The following ZNF184 variants were observed in gnomAD, a reference collection of about 807,000 sequenced individuals.
ZNF184 encodes zinc finger protein 184 (Kruppel-like).
A neutral mutation model predicts 54.4 loss-of-function variants in ZNF184; 16 were observed. The ratio of observed to expected loss-of-function variants is 0.29; its 90% confidence interval spans 0.20 to 0.45. The LOEUF is 0.45. Ranked by LOEUF, ZNF184 falls within the 20% of genes least tolerant of loss-of-function variation. The pLI is 1.00. For missense variants in ZNF184, 681 were observed against 888.2 expected (o/e 0.77, Z 2.97); for synonymous variants, 254 against 295.3 (o/e 0.86, Z 1.43).
At chr6:27,457,432 G>C (rs1762886076) in intron 3 of ZNF184, 23 bp from the exon 4 acceptor site, 2 of 1,612,694 alleles carry the variant, frequency 1.2e-6, no homozygotes, top group East Asian at 4.5e-5. Context: ...ACATATTTCT[G>C]CTTAGCCATA....
At chr6:27,457,251 C>A (rs1328102359) in intron 4 of ZNF184, 32 bp downstream of exon 4, 6 of 1,610,730 alleles carry the variant, frequency 3.7e-6, no homozygotes, top group Non-Finnish European at 5.1e-6. Context: ...CCTGCACACC[C>A]CTTGATATTA....
Position 27,453,182 on chromosome 6 carries a change from A to G in ZNF184, c.377T>C (p.Ile126Thr). 1.2e-6 allele frequency: 2 copies of G among 1,613,996 alleles called. No homozygotes were observed. The highest frequency in any genetic ancestry group is 1.7e-6 in the Non-Finnish European group (2 of 1,179,966). Residue 126 changes from isoleucine (I) to threonine (T), a missense_variant, in exon 6 of 6, where the codon ATA becomes ACA. Physicochemically the swap from Ile to Thr is moderately conservative, Grantham distance 89. Transcript: ENST00000683788. This position sits in a 1 kb window ranked among gnomAD's most constrained non-coding sequence, Gnocchi z 4.7. ...ATCATCTCTTTTGTGTTTTTCCACTATTACCTCTGGAGATAGCTCTTCTTC... is the reference window on the plus strand; with the variant it reads ...ATCATCTCTTTTGTGTTTTTCCACTGTTACCTCTGGAGATAGCTCTTCTTC... ...ISEEELSPEV[I>T]VEKHKRDDSW...
intron 2 of ZNF184, among the ~76,000 whole-genome samples, chr6:27,469,509 C>T (rs146659731): frequency 0.012 from 1,805 of 152,172 alleles, 19 homozygotes; most frequent in African/African-American, 0.027. Context: ...GGCGTGGTGG[C>T]GTGTGCCTGT....
chr6:27,455,335 G>T (rs1226244055), intron 5 of ZNF184, among the ~76,000 whole-genome samples: 1 of 152,056 alleles, frequency 6.6e-6, no homozygotes, highest in East Asian at 1.9e-4. Flanking sequence ...TGCAACATGG[G>T]GGTGGGGGTT....
chr6:27,466,824 A>G (rs1489657826), intron 3 of ZNF184, among the ~76,000 whole-genome samples: 2 of 152,236 alleles, frequency 1.3e-5, no homozygotes, highest in South Asian at 2.1e-4. Flanking sequence ...ATGGCTGGTG[A>G]GCAATTGTTA....
In ZNF184 at chr6:27,456,935, A is replaced by G. The variant is rs1278831490; in HGVS notation, c.203-14T>C. The G allele has an allele frequency of 2.5e-6, 4 of 1,604,142 alleles. No individual in the cohort carries two copies. The highest frequency in any genetic ancestry group is 1.7e-5 in the Admixed American group (1 of 58,554). ...AAACTTGGAGTCCTGTTCATTAGGGAAAAAAAGAAAGAAACCTGCAGTAAG... is the reference window on the plus strand; with the variant it reads ...AAACTTGGAGTCCTGTTCATTAGGGGAAAAAAGAAAGAAACCTGCAGTAAG... On this transcript the variant is annotated splice_polypyrimidine_tract_variant and intron_variant, in intron 4 of 5. Coordinates refer to ENST00000683788, the MANE Select transcript of ZNF184 (RefSeq NM_001318891.2).
Position 27,452,276 on chromosome 6 carries a change from C to G in ZNF184, c.1283G>C (p.Ser428Thr). The change falls in exon 6 of 6, where the codon AGC (serine) becomes ACC (threonine). Residue 428 changes from serine (S) to threonine (T), a missense_variant. Coordinates refer to ENST00000683788, the MANE Select transcript of ZNF184 (RefSeq NM_001318891.2). This position sits in a 1 kb window ranked among gnomAD's most constrained non-coding sequence, Gnocchi z 5.5. ...ATGCTGAGTGAGGTTTGAGTGCTGGCTGAAGGCTTTCCCACATTCATTGCA... is the reference window on the plus strand; with the variant it reads ...ATGCTGAGTGAGGTTTGAGTGCTGGGTGAAGGCTTTCCCACATTCATTGCA... ...YECNECGKAF[S>T]QHSNLTQHQK... 6.2e-7 allele frequency: 1 copy of G among 1,614,024 alleles called. No individual in the cohort carries two copies. Among genetic ancestry groups the G allele is most frequent in the South Asian group, 1.1e-5 (1 of 91,070 alleles).
At chr6:27,404,993 G>A in the ZNF184 span, 1 of 143,518 alleles carries the variant, frequency 7.0e-6, no homozygotes, top group East Asian at 2.0e-4. Flanking sequence ...TGCATTCTGG[G>A]TAAAGAGTGA....
At chr6:27,458,296 A>G (rs1240212810) in intron 3 of ZNF184, among the ~76,000 whole-genome samples, 5 of 16,106 alleles carry the variant, frequency 3.1e-4, no homozygotes, top group Non-Finnish European at 5.0e-4. Flanking sequence ...TCTGCACAGT[A>G]AAAAAAAAAA....
chr6:27,417,302 C>T, the ZNF184 span, among the ~76,000 whole-genome samples: 585 of 152,218 alleles, frequency 3.8e-3, 1 homozygote, highest in Non-Finnish European at 5.8e-3. Context: ...TTTCCTATCT[C>T]CTTCCTAAAC....
At chr6:27,471,255 G>A (rs1449506323) in intron 2 of ZNF184, among the ~76,000 whole-genome samples, 4 of 152,182 alleles carry the variant, frequency 2.6e-5, no homozygotes, top group Non-Finnish European at 5.9e-5. Context: ...AGAAAGGACA[G>A]TTAAGGCACT....
chr6:27,422,353 T>C, the ZNF184 span, among the ~76,000 whole-genome samples: 1 of 152,090 alleles, frequency 6.6e-6, no homozygotes, highest in Non-Finnish European at 1.5e-5. Flanking sequence ...GCAACAGAGA[T>C]GTTCCTTTTC....
At chr6:27,409,426 G>A in the ZNF184 span, among the ~76,000 whole-genome samples, 287 of 149,586 alleles carry the variant, frequency 1.9e-3, 1 homozygote, top group Middle Eastern at 0.01. Context: ...ATGAACCTGG[G>A]AGGTGGAGCT....
chr6:27,425,833 C>G, the ZNF184 span, among the ~76,000 whole-genome samples: 12 of 152,190 alleles, frequency 7.9e-5, no homozygotes, highest in South Asian at 1.9e-3. Context: ...CTATATAAAT[C>G]TTAACTCTTC....
chr6:27,418,831 A>G, the ZNF184 span, among the ~76,000 whole-genome samples: 4 of 152,130 alleles, frequency 2.6e-5, no homozygotes, highest in Non-Finnish European at 5.9e-5. Context: ...GTCATTTTGT[A>G]TACAAAGGTG....
At chr6:27,454,611 CAGATCTCCAACCCTGGT>C (rs1213873764) in intron 5 of ZNF184, among the ~76,000 whole-genome samples, 1 of 24,194 alleles carries the variant, frequency 4.1e-5, no homozygotes, top group African/African-American at 1.1e-4. Context: ...ATGGAAGTGG[CAGATCTCCAACCCTGGT>C]TGGAGTTCCA....
chr6:27,417,560 G>C, the ZNF184 span, among the ~76,000 whole-genome samples: 2 of 152,130 alleles, frequency 1.3e-5, no homozygotes, highest in African/African-American at 2.4e-5. Flanking sequence ...AAATCCTGGA[G>C]AAGAGTCCAG....
chr6:27,459,702 A>G (rs1320506906), intron 3 of ZNF184, among the ~76,000 whole-genome samples: 4 of 152,220 alleles, frequency 2.6e-5, no homozygotes, highest in Admixed American at 6.5e-5. Context: ...GTACAAAGAC[A>G]TATGTACAAT....
At chr6:27,415,259 T>A in the ZNF184 span, among the ~76,000 whole-genome samples, 1 of 152,302 alleles carries the variant, frequency 6.6e-6, no homozygotes, top group East Asian at 1.9e-4. Context: ...ATGCTTCTAA[T>A]GAGTAATCGT....
Sources: gnomAD v4.1 joint callset for allele counts (sites outside exome capture counted in the v4.1 genomes callset) on GRCh38, gnomAD v4.1.1 for gene constraint, Gnocchi (gnomAD v3.1) non-coding constraint, MANE v1.5 for transcripts, NCBI Gene and HGNC (gene_info 2026-07-23, HGNC 2026-07-21) for gene names.